The following CCDC141 variants were observed in gnomAD, a reference collection of about 807,000 sequenced individuals.
CCDC141 encodes the protein coiled-coil domain containing 141.
In CCDC141, 168 loss-of-function variants were observed where a neutral mutation model predicts 181.0. That is an observed-to-expected ratio of 0.93 (90% CI 0.82 to 1.05). The LOEUF is 1.05. Ranked by LOEUF, CCDC141 falls within the 50% of genes least tolerant of loss-of-function variation. CCDC141 has a pLI of 0.00. For synonymous variants in CCDC141, 666 were observed against 642.3 expected, an observed-to-expected ratio of 1.04 and a Z score of -0.56; for missense variants, 1,902 against 1,788.5, an observed-to-expected ratio of 1.06 and a Z score of -1.14.
intron 8 of CCDC141, among the ~76,000 whole-genome samples, chr2:178,890,590 G>A (rs1179847254): frequency 1.3e-5 from 2 of 152,130 alleles, no homozygotes; most frequent in Non-Finnish European, 2.9e-5. Context: ...GGTACCAGAA[G>A]TACCAGAACT....
chr2:179,033,388 T>A (rs1409455321), intron 2 of CCDC141, among the ~76,000 whole-genome samples: 1 of 152,130 alleles, frequency 6.6e-6, no homozygotes, highest in East Asian at 1.9e-4. Flanking sequence ...TATGCCATTT[T>A]ATAAAAGGGA....
At chr2:179,015,783 GTATCATATATATCTCATATA>G (rs2042509906) in intron 2 of CCDC141, among the ~76,000 whole-genome samples, 1 of 120,228 alleles carries the variant, frequency 8.3e-6, no homozygotes, top group South Asian at 2.7e-4. Flanking sequence ...TCTCATATAT[GTATCATATATATCTCATATA>G]TGTATCATAT....
At chr2:178,907,838 T>C (rs1192275640) in intron 7 of CCDC141, among the ~76,000 whole-genome samples, 1 of 146,868 alleles carries the variant, frequency 6.8e-6, no homozygotes, top group Non-Finnish European at 1.5e-5. Context: ...TACTAAAAAT[T>C]AAAAAAAAAA....
At chr2:179,040,152 T>A (rs1243815389) in intron 2 of CCDC141, among the ~76,000 whole-genome samples, 1 of 152,188 alleles carries the variant, frequency 6.6e-6, no homozygotes, top group Non-Finnish European at 1.5e-5. Context: ...CTTAGACCCA[T>A]GTGCAGGGAG....
intron 3 of CCDC141, among the ~76,000 whole-genome samples, chr2:178,977,798 A>G (rs887567919): frequency 2.6e-5 from 4 of 152,210 alleles, no homozygotes; most frequent in Non-Finnish European, 5.9e-5. Flanking sequence ...TGAAATTTCC[A>G]ATAACTGTCT....
intron 2 of CCDC141, among the ~76,000 whole-genome samples, chr2:179,042,357 C>CT (rs972313396): frequency 5.3e-5 from 8 of 151,882 alleles, no homozygotes; most frequent in East Asian, 1.9e-4. Flanking sequence ...TCAAGAAATT[C>CT]TTTTTTTTGA....
chr2:178,967,769 T>A (rs113196201), intron 4 of CCDC141, among the ~76,000 whole-genome samples: 2 of 152,172 alleles, frequency 1.3e-5, no homozygotes, highest in Non-Finnish European at 2.9e-5. Context: ...ATGGGCTAAC[T>A]GGACCAATTA....
intron 6 of CCDC141, among the ~76,000 whole-genome samples, chr2:178,925,095 T>C (rs1688862863): frequency 1.3e-5 from 2 of 152,238 alleles, no homozygotes; most frequent in African/African-American, 4.8e-5. Context: ...TCCTAAAATG[T>C]GGGATACTGG....
chr2:178,961,318 C>A lies in CCDC141; in HGVS notation c.692G>T (p.Arg231Ile), dbSNP rs768770173. 6 of 1,550,578 alleles carry A rather than the reference C, an allele frequency of 3.9e-6. No homozygotes were observed. Among genetic ancestry groups the A allele is most frequent in the Non-Finnish European group, 5.2e-6 (6 of 1,146,962 alleles). ...CTTCAAGTACTTGTCTAGTTGTCTT[C>A]TCCTGTCTTGTAGAAGTTCAAGAAG... ...DRLLELLQDR[R>I]RQLDKYLKQQ... The change falls in exon 5 of 24, where the codon AGA becomes ATA. Residue 231 changes from arginine to isoleucine, a missense_variant. By Grantham distance (97) the Arg-to-Ile change is moderately conservative. Transcript: ENST00000443758.
the CCDC141 span, among the ~76,000 whole-genome samples, chr2:178,818,159 A>T: frequency 2.0e-5 from 3 of 152,098 alleles, no homozygotes; most frequent in African/African-American, 7.2e-5. Context: ...AACAATGTCA[A>T]ATTTCTTTTT....
intron 21 of CCDC141, among the ~76,000 whole-genome samples, chr2:178,849,210 C>A (rs369072898): frequency 9.8e-5 from 15 of 152,312 alleles, no homozygotes; most frequent in African/African-American, 3.4e-4. Flanking sequence ...CACCACTAGG[C>A]CTCAATAACA....
intron 4 of CCDC141, among the ~76,000 whole-genome samples, chr2:178,969,316 T>C (rs1690777615): frequency 6.6e-6 from 1 of 151,856 alleles, no homozygotes; most frequent in African/African-American, 2.4e-5. Context: ...AATTTTTTTC[T>C]TTTAGAGCCC....
downstream of CCDC141, among the ~76,000 whole-genome samples, chr2:178,824,877 T>C (rs530025362): frequency 6.6e-6 from 1 of 152,296 alleles, no homozygotes; most frequent in South Asian, 2.1e-4. Flanking sequence ...TTTACAGTGC[T>C]CTACTGTTTA....
intron 14 of CCDC141, among the ~76,000 whole-genome samples, chr2:178,869,815 T>C (rs1358058948): frequency 6.6e-6 from 1 of 152,200 alleles, no homozygotes. Context: ...AAAGCGGTCA[T>C]CCCATGATCC....
chr2:178,978,507 C>T lies in CCDC141; in HGVS notation c.394G>A (p.Glu132Lys), dbSNP rs1691222147. 1 of 1,502,698 alleles carries T rather than the reference C, an allele frequency of 6.7e-7. No homozygotes were observed. Among genetic ancestry groups the T allele is most frequent in the East Asian group, 2.6e-5 (1 of 38,914 alleles). 93.1% of individuals were successfully genotyped at this position (1,502,698 alleles called of 1,614,324 possible). ...RRTELLRLTS[E>K]FFENALEFAI... ...ACCTCTAAGGCATTTTCAAAAAATT[C>T]AGAAGTCAACCTAAGGAGCTCTGTT... Residue 132 changes from glutamate to lysine, a missense_variant, in exon 3 of 24, where the codon GAA becomes AAA. By Grantham distance (56) the Glu-to-Lys change is moderately conservative. Coordinates refer to ENST00000443758, the MANE Select transcript of CCDC141 (RefSeq NM_173648.4).
intron 1 of CCDC141, among the ~76,000 whole-genome samples, chr2:179,048,936 G>A (rs966736844): frequency 6.6e-6 from 1 of 152,148 alleles, no homozygotes; most frequent in African/African-American, 2.4e-5. Context: ...CTAACAAAAG[G>A]CCAGAAAAGT....
At chr2:178,976,001 G>A (rs1266474251) in intron 3 of CCDC141, among the ~76,000 whole-genome samples, 6 of 152,156 alleles carry the variant, frequency 3.9e-5, no homozygotes, top group Non-Finnish European at 7.4e-5. Context: ...TCTAAATGGT[G>A]AGGAATATAA....
intron 2 of CCDC141, among the ~76,000 whole-genome samples, chr2:179,030,111 A>G (rs956813467): frequency 6.6e-6 from 1 of 152,096 alleles, no homozygotes; most frequent in Non-Finnish European, 1.5e-5. Context: ...AATAACATAT[A>G]TATCTCCCCC....
At chr2:178,976,038 A>G (rs1426130609) in intron 3 of CCDC141, among the ~76,000 whole-genome samples, 2 of 152,142 alleles carry the variant, frequency 1.3e-5, no homozygotes, top group Admixed American at 6.6e-5. Flanking sequence ...CTTTTTCTCC[A>G]TAGAGGCAGT....
Sources: gnomAD v4.1 joint callset for allele counts (sites outside exome capture counted in the v4.1 genomes callset) on GRCh38, gnomAD v4.1.1 for gene constraint, MANE v1.5 for transcripts, NCBI Gene and HGNC (gene_info 2026-07-23, HGNC 2026-07-21) for gene names.